Variants in FBXO34 observed in about 807,000 individuals in gnomAD.
The protein encoded by FBXO34 is F-box only protein 34.
A neutral mutation model predicts 24.5 loss-of-function variants in FBXO34; 12 were observed. That is an observed-to-expected ratio of 0.49 (90% CI 0.31 to 0.79). The LOEUF (loss-of-function observed/expected upper bound fraction) is 0.79, where lower values mean the gene tolerates loss of function less well. Ranked by LOEUF, FBXO34 falls within the 30% of genes least tolerant of loss-of-function variation. FBXO34 has a pLI of 0.04. For synonymous variants in FBXO34, 320 were observed against 311.9 expected (o/e 1.03, Z -0.27); for missense variants, 823 against 857.7 (o/e 0.96, Z 0.51).
chr14:55,384,038 G>T, the FBXO34 span, among the ~76,000 whole-genome samples: 1 of 152,180 alleles, frequency 6.6e-6, no homozygotes, highest in Non-Finnish European at 1.5e-5. Context: ...AGCTGCTACT[G>T]CCTGCCACAG....
At chr14:55,431,342 G>A in the FBXO34 span, among the ~76,000 whole-genome samples, 21 of 152,188 alleles carry the variant, frequency 1.4e-4, no homozygotes, top group African/African-American at 5.1e-4. Context: ...ATGAATGTGT[G>A]TAATATGTGT....
chr14:55,442,143 C>T, the FBXO34 span, among the ~76,000 whole-genome samples: 2 of 151,080 alleles, frequency 1.3e-5, no homozygotes, highest in African/African-American at 4.8e-5. Flanking sequence ...AATCCCAGAA[C>T]TTTGGGAGGC....
exon 3 of FBXO34, chr14:55,367,839 A>G (rs1318609726): frequency 2.0e-5 from 3 of 152,250 alleles, no homozygotes; most frequent in Admixed American, 2.0e-4. Context: ...CCGGATAGAA[A>G]TAAACTCCGT....
the FBXO34 span, among the ~76,000 whole-genome samples, chr14:55,391,471 T>TAA: frequency 7.9e-3 from 602 of 75,742 alleles, 8 homozygotes; most frequent in African/African-American, 0.01. Context: ...TGAGACTCCA[T>TAA]AAAAAAAAAA....
the FBXO34 span, among the ~76,000 whole-genome samples, chr14:55,405,950 G>A: frequency 4.7e-4 from 71 of 152,198 alleles, no homozygotes; most frequent in Admixed American, 9.2e-4. Context: ...TCAGGACTGG[G>A]GGCAAGGTGG....
At chr14:55,293,243 A>G (rs1052690355) in intron 1 of FBXO34, among the ~76,000 whole-genome samples, 5 of 151,452 alleles carry the variant, frequency 3.3e-5, no homozygotes, top group African/African-American at 9.7e-5. Context: ...CATTGGCACA[A>G]TCTCGGCTCA....
Position 55,350,408 on chromosome 14 carries a change from T to A in FBXO34, c.18T>A (p.Tyr6Ter). The change falls in exon 2 of 2, where the codon TAT becomes TAA. Residue 6 changes from tyrosine to a stop codon, truncating the protein, a stop_gained. Transcript: ENST00000313833. LOFTEE classifies it low-confidence loss of function (END_TRUNC). MHLKP[Y>*]WKLQKKEHPP... ...GCTTTGTTATGCACCTAAAGCCATA[T>A]TGGAAGCTCCAGAAGAAAGAGCACC... 6.3e-7 allele frequency: 1 copy of A among 1,584,298 alleles called. No individual in the cohort carries two copies. The highest frequency in any genetic ancestry group is 8.6e-7 in the Non-Finnish European group (1 of 1,169,556).
At position 55,323,248 on chromosome 14, in the gene FBXO34, T is replaced by TTTA. The variant is rs1480368099; in HGVS notation, c.-10-27133_-10-27132insTTA. ...ATATTTTTTTTTTTTTTTTTTTTTTTAGAGACAGAGTCTCACTTATGTTGC... is the reference window on the plus strand; with the variant it reads ...ATATTTTTTTTTTTTTTTTTTTTTTTTTAAGAGACAGAGTCTCACTTATGTTGC... On this transcript the variant is annotated intron_variant, in intron 1 of 1. Coordinates refer to ENST00000313833, the MANE Select transcript of FBXO34 (RefSeq NM_017943.4). Among the ~76,000 whole-genome samples, 27 of 87,776 alleles carry TTTA rather than the reference T, an allele frequency of 3.1e-4. 2 individuals carry two copies. The highest frequency in any genetic ancestry group is 1.4e-3 in the African/African-American group (19 of 13,362). The allele number at this position is 87,776 out of a possible 152,430, so 57.6% of individuals were successfully genotyped here. A position where few individuals can be genotyped will look rare whatever the true frequency, so the allele number is the denominator to read the frequency against.
At chr14:55,384,409 C>A in the FBXO34 span, among the ~76,000 whole-genome samples, 1 of 152,212 alleles carries the variant, frequency 6.6e-6, no homozygotes, top group Non-Finnish European at 1.5e-5. Flanking sequence ...TGCTACAACA[C>A]TATTAACTAA....
chr14:55,362,760 A>G (rs1373516173), downstream of FBXO34, among the ~76,000 whole-genome samples: 1 of 152,056 alleles, frequency 6.6e-6, no homozygotes, highest in Non-Finnish European at 1.5e-5. Flanking sequence ...TATTCCATCT[A>G]CCATCAAACC....
At position 55,352,202 on chromosome 14, in the gene FBXO34, T is replaced by G; in HGVS notation, c.1812T>G (p.Tyr604Ter). The G allele has an allele frequency of 1.2e-6, 2 of 1,614,166 alleles. No homozygotes were observed. The highest frequency in any genetic ancestry group is 1.7e-6 in the Non-Finnish European group (2 of 1,180,012). ...TGGCCCTTAAATGTACCTGCTGCTA[T>G]TTCAAGTTTATCATTGAGTACTACA... Reference protein sequence around the residue: ...SLVALKCTCCYFKFIIEYYNI... With the variant: ...SLVALKCTCC The change falls in exon 2 of 2, where the codon TAT (tyrosine) becomes TAG (stop). Residue 604 changes from tyrosine to a stop codon, truncating the protein, a stop_gained. Coordinates refer to ENST00000313833, the MANE Select transcript of FBXO34 (RefSeq NM_017943.4). LOFTEE classifies it high-confidence loss of function.
the FBXO34 span, among the ~76,000 whole-genome samples, chr14:55,379,104 T>C: frequency 6.6e-6 from 1 of 152,294 alleles, no homozygotes; most frequent in Admixed American, 6.5e-5. Context: ...TCCATGAAAA[T>C]GTGAGCTCCA....
chr14:55,339,997 C>T (rs1410642395), intron 1 of FBXO34, among the ~76,000 whole-genome samples: 1 of 152,198 alleles, frequency 6.6e-6, no homozygotes. Context: ...TTCACTCCCA[C>T]TCAGTATTGC....
At chr14:55,438,710 T>C in the FBXO34 span, 1 of 152,204 alleles carries the variant, frequency 6.6e-6, no homozygotes, top group African/African-American at 2.4e-5. Flanking sequence ...GTAGTGACTC[T>C]CCTCAGAACA....
At chr14:55,306,911 C>T (rs1384040412) in intron 1 of FBXO34, among the ~76,000 whole-genome samples, 1 of 152,170 alleles carries the variant, frequency 6.6e-6, no homozygotes, top group African/African-American at 2.4e-5. Flanking sequence ...TAGTGCTTTT[C>T]AAATAATAAA....
the FBXO34 span, among the ~76,000 whole-genome samples, chr14:55,429,206 G>T: frequency 1.3e-5 from 2 of 152,120 alleles, no homozygotes; most frequent in East Asian, 3.8e-4. Flanking sequence ...GTCTTCATTT[G>T]TCACCTTTCA....
At chr14:55,376,694 GGAT>G in the FBXO34 span, among the ~76,000 whole-genome samples, 1 of 152,176 alleles carries the variant, frequency 6.6e-6, no homozygotes, top group Non-Finnish European at 1.5e-5. Context: ...TTCAGTAGAT[GGAT>G]GATGCGGAAG....
chr14:55,336,747 A>G (rs1883789149), intron 1 of FBXO34, among the ~76,000 whole-genome samples: 1 of 151,968 alleles, frequency 6.6e-6, no homozygotes, highest in Non-Finnish European at 1.5e-5. Flanking sequence ...ATTTAATCTA[A>G]AAGTATTTCA....
chr14:55,439,918 G>A, the FBXO34 span, among the ~76,000 whole-genome samples: 7 of 46,804 alleles, frequency 1.5e-4, no homozygotes, highest in Admixed American at 1.2e-3. Flanking sequence ...GTGACAGAGC[G>A]AGACTCTGTC....
Sources: allele counts gnomAD v4.1 joint callset (sites outside exome capture counted in the v4.1 genomes callset), GRCh38; gene constraint gnomAD v4.1.1; transcripts MANE v1.5; gene names NCBI Gene and HGNC (gene_info 2026-07-23, HGNC 2026-07-21).